Variants in NEMP2 observed in about 807,000 individuals in gnomAD.
NEMP2 encodes the protein nuclear envelope integral membrane protein 2.
In NEMP2, 53 loss-of-function variants were observed where a neutral mutation model predicts 54.2. The ratio of observed to expected loss-of-function variants is 0.98; its 90% CI spans 0.78 to 1.23. NEMP2 has a LOEUF of 1.23. Ranked by LOEUF, NEMP2 falls within the 50% of genes most tolerant of loss-of-function variation. NEMP2 has a pLI of 0.00. For missense variants in NEMP2, 455 were observed against 511.3 expected (o/e 0.89, Z 1.06); for synonymous variants, 197 against 190.3 (o/e 1.04, Z -0.29).
chr2:190,614,163 T>C, the NEMP2 span, among the ~76,000 whole-genome samples: 1 of 152,170 alleles, frequency 6.6e-6, no homozygotes, highest in Non-Finnish European at 1.5e-5. The surrounding 1 kb of genome is among the most constrained non-coding windows in gnomAD (Gnocchi z 5.7). Flanking sequence ...ATCTTTTAAC[T>C]GGATCTTTGA....
At chr2:190,492,425 C>T in the NEMP2 span, among the ~76,000 whole-genome samples, 1 of 152,152 alleles carries the variant, frequency 6.6e-6, no homozygotes, top group South Asian at 2.1e-4. This position sits in a 1 kb window ranked among gnomAD's most constrained non-coding sequence, Gnocchi z 5.2. Context: ...TAAAGGAAAA[C>T]CTCTCAGATT....
At chr2:190,488,879 A>G in the NEMP2 span, 3 of 1,419,350 alleles carry the variant, frequency 2.1e-6, no homozygotes, top group Non-Finnish European at 2.8e-6. The surrounding 1 kb of genome is among the most constrained non-coding windows in gnomAD (Gnocchi z 6.4). Context: ...TTTTCCAGCA[A>G]TACCTCAATA....
chr2:190,613,471 G>A, the NEMP2 span, among the ~76,000 whole-genome samples: 5 of 152,050 alleles, frequency 3.3e-5, no homozygotes. Context: ...TAGCCTCTAC[G>A]CCAAATTTTG....
the NEMP2 span, among the ~76,000 whole-genome samples, chr2:190,542,474 A>G: frequency 6.6e-6 from 1 of 152,220 alleles, no homozygotes. This position sits in a 1 kb window ranked among gnomAD's most constrained non-coding sequence, Gnocchi z 4.6. Context: ...GGCCTCCCAA[A>G]GTGCTGGGAT....
the NEMP2 span, among the ~76,000 whole-genome samples, chr2:190,598,648 C>T: frequency 7.2e-5 from 11 of 152,272 alleles, no homozygotes; most frequent in Admixed American, 2.6e-4. Context: ...GGCTTTACTG[C>T]GATTCTCAAA....
the NEMP2 span, among the ~76,000 whole-genome samples, chr2:190,604,424 G>C: frequency 1.3e-5 from 2 of 152,162 alleles, no homozygotes; most frequent in African/African-American, 4.8e-5. The surrounding 1 kb of genome is among the most constrained non-coding windows in gnomAD (Gnocchi z 4.5). Context: ...CTGAACACAG[G>C]TGAGTCGGCT....
the NEMP2 span, among the ~76,000 whole-genome samples, chr2:190,495,778 T>C: frequency 1.9e-3 from 290 of 152,180 alleles, 2 homozygotes; most frequent in African/African-American, 6.7e-3. This position sits in a 1 kb window ranked among gnomAD's most constrained non-coding sequence, Gnocchi z 4.7. Context: ...GCTGGGATAA[T>C]TGGCAAGCCA....
chr2:190,565,840 A>G, the NEMP2 span, among the ~76,000 whole-genome samples: 3 of 152,232 alleles, frequency 2.0e-5, no homozygotes, highest in South Asian at 2.1e-4. Context: ...TTGTGTCCTT[A>G]TAAGAAGAGA....
At chr2:190,543,516 G>T in the NEMP2 span, among the ~76,000 whole-genome samples, 57 of 152,178 alleles carry the variant, frequency 3.7e-4, no homozygotes, top group Admixed American at 1.8e-3. This position sits in a 1 kb window ranked among gnomAD's most constrained non-coding sequence, Gnocchi z 4.7. Context: ...CATCAGCAGT[G>T]CCTGAAATAC....
chr2:190,517,657 A>T (rs1189631292), intron 4 of NEMP2, 44 bp from the exon 5 acceptor site: 1 of 1,388,828 alleles, frequency 7.2e-7, no homozygotes, highest in Admixed American at 2.1e-5. Flanking sequence ...GCCAAAAAGC[A>T]CTTTGAGTAT....
chr2:190,447,851 T>A, the NEMP2 span, among the ~76,000 whole-genome samples: 1 of 152,194 alleles, frequency 6.6e-6, no homozygotes, highest in South Asian at 2.1e-4. The surrounding 1 kb of genome is among the most constrained non-coding windows in gnomAD (Gnocchi z 4.5). Flanking sequence ...GTTTTTATCA[T>A]CCCTTGAAAA....
chr2:190,516,527 A>G lies in NEMP2; in HGVS notation c.613-143T>C, dbSNP rs1025089472. The G allele has an allele frequency of 6.4e-6, 4 of 621,104 alleles. No homozygotes were observed. The African/African-American group carries it at 7.4e-5, about 11-fold the overall frequency. 38.5% of individuals were successfully genotyped at this position (621,104 alleles called of 1,614,324 possible). A position where few individuals can be genotyped will look rare whatever the true frequency, so the allele number is the denominator to read the frequency against. On this transcript the variant is annotated intron_variant, in intron 5 of 8. Coordinates refer to ENST00000409150, the MANE Select transcript of NEMP2 (RefSeq NM_001142645.2). ...ATTTAAGAAACTCCCTAGGGTCTTA[A>G]GGTGTGGTCCACAAATCAGCAACAC...
At chr2:190,501,226 TTTG>T (rs1690006955), downstream of NEMP2, 1 of 152,174 alleles carries the variant, frequency 6.6e-6, no homozygotes, top group African/African-American at 2.4e-5. Context: ...TTGGGTCAGT[TTTG>T]TTTTGTTTTT....
At chr2:190,454,932 G>GTATGTATATGTA in the NEMP2 span, among the ~76,000 whole-genome samples, 6,259 of 132,866 alleles carry the variant, frequency 0.047, 319 homozygotes, top group East Asian at 0.12. This position sits in a 1 kb window ranked among gnomAD's most constrained non-coding sequence, Gnocchi z 4.6. Context: ...CCTGGTTTCT[G>GTATGTATATGTA]TATGTATATG....
chr2:190,555,029 G>C, the NEMP2 span, among the ~76,000 whole-genome samples: 1 of 151,200 alleles, frequency 6.6e-6, no homozygotes, highest in Non-Finnish European at 1.5e-5. This position sits in a 1 kb window ranked among gnomAD's most constrained non-coding sequence, Gnocchi z 4.8. Flanking sequence ...GTCTGGAGTG[G>C]ACCTCCAGCA....
At chr2:190,498,291 A>T in the NEMP2 span, among the ~76,000 whole-genome samples, 2 of 152,196 alleles carry the variant, frequency 1.3e-5, no homozygotes, top group Non-Finnish European at 2.9e-5. This position sits in a 1 kb window ranked among gnomAD's most constrained non-coding sequence, Gnocchi z 5.9. Flanking sequence ...GTGTATCCCG[A>T]CTTTGGAAAA....
chr2:190,596,236 T>C, the NEMP2 span, among the ~76,000 whole-genome samples: 6 of 151,894 alleles, frequency 4.0e-5, no homozygotes, highest in South Asian at 2.1e-4. This position sits in a 1 kb window ranked among gnomAD's most constrained non-coding sequence, Gnocchi z 5.1. Context: ...ACATCACACA[T>C]TGGGGCCTGT....
the NEMP2 span, chr2:190,436,570 A>G: frequency 6.2e-7 from 1 of 1,614,216 alleles, no homozygotes; most frequent in Non-Finnish European, 8.5e-7. The surrounding 1 kb of genome is among the most constrained non-coding windows in gnomAD (Gnocchi z 5.3). Flanking sequence ...TATCCTGCCA[A>G]CAAATTCTTC....
the NEMP2 span, among the ~76,000 whole-genome samples, chr2:190,480,864 A>C: frequency 6.6e-6 from 1 of 152,242 alleles, no homozygotes; most frequent in African/African-American, 2.4e-5. Flanking sequence ...ATACAATACA[A>C]AAAAGTAAAA....
Sources: allele counts gnomAD v4.1 joint callset (sites outside exome capture counted in the v4.1 genomes callset), GRCh38; gene constraint gnomAD v4.1.1; non-coding constraint Gnocchi (gnomAD v3.1); transcripts MANE v1.5; gene names NCBI Gene and HGNC (gene_info 2026-07-23, HGNC 2026-07-21).